Variants in CSMD1 observed in about 807,000 individuals in gnomAD.
The protein encoded by CSMD1 is CUB and sushi domain-containing protein 1.
Under a neutral mutation model 417.5 loss-of-function variants are expected in CSMD1, and 213 were observed. The ratio of observed to expected loss-of-function variants is 0.51; its 90% confidence interval spans 0.46 to 0.57. CSMD1 has a LOEUF of 0.57. Ranked by LOEUF, CSMD1 falls within the 20% of genes least tolerant of loss-of-function variation. The pLI is 0.00. For missense variants in CSMD1, 6,923 were observed against 4,529.7 expected (o/e 1.53, Z -15.17); for synonymous variants, 2,862 against 1,736.8 (o/e 1.65, Z -16.11).
intron 49 of CSMD1, among the ~76,000 whole-genome samples, chr8:3,077,548 C>G (rs1304983959): frequency 6.6e-6 from 1 of 152,250 alleles, no homozygotes; most frequent in East Asian, 1.9e-4. Flanking sequence ...CAGCCACCTC[C>G]AGAACGTAGT....
At chr8:3,973,855 G>A (rs116445299) in intron 5 of CSMD1, among the ~76,000 whole-genome samples, 1,750 of 152,228 alleles carry the variant, frequency 0.011, 35 homozygotes, top group African/African-American at 0.04. Context: ...TTAATTTTAA[G>A]TGTTTATGGG....
At chr8:3,325,326 G>T (rs939223291) in intron 23 of CSMD1, among the ~76,000 whole-genome samples, 10 of 152,104 alleles carry the variant, frequency 6.6e-5, no homozygotes, top group Non-Finnish European at 1.2e-4. Flanking sequence ...TTCTGTCATC[G>T]CTCCTATCAT....
intron 6 of CSMD1, among the ~76,000 whole-genome samples, chr8:3,711,160 C>T (rs991995270): frequency 7.9e-5 from 12 of 152,134 alleles, no homozygotes; most frequent in Non-Finnish European, 1.6e-4. Flanking sequence ...GAGGGAGAAA[C>T]GAGAGACTGG....
rs377401344 is a variant in CSMD1 at position 2,993,982 on chromosome 8, A to G, written c.8377+4029T>C. On this transcript the variant is annotated intron_variant, in intron 54 of 69. Transcript: ENST00000635120. ...CACATGGTGAAACCCCATCCCTACT[A>G]AAAAAAAAAAAAAGAAAAAAAATTA... Among the ~76,000 whole-genome samples the G allele has an allele frequency of 5.3e-4, 54 of 102,192 alleles. 3 individuals carry two copies. The highest frequency in any genetic ancestry group is 3.6e-3 in the East Asian group (17 of 4,698). 67.0% of individuals were successfully genotyped at this position (102,192 alleles called of 152,430 possible).
chr8:3,482,654 T>G (rs879852860), intron 11 of CSMD1, among the ~76,000 whole-genome samples: 2 of 152,134 alleles, frequency 1.3e-5, no homozygotes, highest in Non-Finnish European at 2.9e-5. Flanking sequence ...CTGACGAATA[T>G]GGAACTCTCA....
chr8:3,630,008 G>C (rs987660986), intron 7 of CSMD1, among the ~76,000 whole-genome samples: 9 of 152,124 alleles, frequency 5.9e-5, no homozygotes, highest in Non-Finnish European at 8.8e-5. Context: ...ACAGGCCCCA[G>C]AGTTTTATTT....
chr8:4,032,143 TCC>T (rs1404853262), intron 3 of CSMD1, 44 bp from the exon 4 acceptor site: 1 of 1,472,000 alleles, frequency 6.8e-7, no homozygotes, highest in East Asian at 2.3e-5. Flanking sequence ...AGTTAAATTT[TCC>T]ATGGAGAGCC....
intron 3 of CSMD1, among the ~76,000 whole-genome samples, chr8:4,063,253 A>G (rs1047715866): frequency 2.6e-5 from 4 of 151,314 alleles, no homozygotes; most frequent in Non-Finnish European, 5.9e-5. Context: ...TATCCCATAA[A>G]TATGTACAGT....
intron 3 of CSMD1, among the ~76,000 whole-genome samples, chr8:4,082,339 G>A (rs948909943): frequency 6.6e-6 from 1 of 152,098 alleles, no homozygotes; most frequent in Non-Finnish European, 1.5e-5. Flanking sequence ...CTTTTTTAAA[G>A]TTAAAATGAC....
At chr8:3,533,926 C>A (rs1445252431) in intron 10 of CSMD1, among the ~76,000 whole-genome samples, 4 of 152,112 alleles carry the variant, frequency 2.6e-5, no homozygotes, top group Admixed American at 1.3e-4. Context: ...CTTTGGTCCA[C>A]CAATCACATG....
At chr8:3,920,456 T>C (rs543248261) in intron 5 of CSMD1, among the ~76,000 whole-genome samples, 2 of 152,066 alleles carry the variant, frequency 1.3e-5, no homozygotes, top group Non-Finnish European at 2.9e-5. Context: ...ACTTTCCAAT[T>C]TGAGTGCCTT....
chr8:3,028,928 A>C (rs1012640556), intron 51 of CSMD1, among the ~76,000 whole-genome samples: 1 of 152,214 alleles, frequency 6.6e-6, no homozygotes, highest in Non-Finnish European at 1.5e-5. Context: ...TTGTGAAAAC[A>C]GTCTTTATTT....
chr8:4,673,912 G>A (rs1025813117), intron 1 of CSMD1, among the ~76,000 whole-genome samples: 1 of 152,082 alleles, frequency 6.6e-6, no homozygotes, highest in Non-Finnish European at 1.5e-5. Flanking sequence ...ACAGGGTTTG[G>A]GAGGATAGAT....
At chr8:4,880,198 G>C (rs1362191337) in intron 1 of CSMD1, among the ~76,000 whole-genome samples, 3 of 152,020 alleles carry the variant, frequency 2.0e-5, no homozygotes, top group Non-Finnish European at 4.4e-5. Context: ...AGAGAGTTAA[G>C]GGAAGAACAC....
At chr8:3,567,727 C>A (rs1278358590) in intron 10 of CSMD1, among the ~76,000 whole-genome samples, 1 of 152,142 alleles carries the variant, frequency 6.6e-6, no homozygotes, top group Admixed American at 6.6e-5. Flanking sequence ...TCTGGAACGT[C>A]CAACCTTCCT....
In CSMD1 at chr8:4,253,397, C is replaced by T. The variant is rs937882540; in HGVS notation, c.415+166556G>A. 2.0e-5 allele frequency among the ~76,000 whole-genome samples: 3 copies of T among 151,028 alleles called. 1 individual carries two copies. In the South Asian group the frequency reaches 6.4e-4, roughly 32 times the overall value. On this transcript the variant is annotated intron_variant, in intron 3 of 69. Coordinates refer to ENST00000635120, the MANE Select transcript of CSMD1 (RefSeq NM_033225.6). ...GCATTTTTTTCATTGAGTCCATAATCTCAAATTTATATATTTTTTTCCCAC... is the reference window on the plus strand; with the variant it reads ...GCATTTTTTTCATTGAGTCCATAATTTCAAATTTATATATTTTTTTCCCAC...
intron 68 of CSMD1, among the ~76,000 whole-genome samples, chr8:2,946,769 G>T (rs555498855): frequency 4.1e-4 from 63 of 152,280 alleles, no homozygotes; most frequent in African/African-American, 1.5e-3. Flanking sequence ...TGGAATTGCT[G>T]GAGCTTAAGT....
chr8:4,224,000 A>T (rs1801197720), intron 3 of CSMD1, among the ~76,000 whole-genome samples: 1 of 152,104 alleles, frequency 6.6e-6, no homozygotes, highest in Admixed American at 6.5e-5. Flanking sequence ...AATTCTTTAA[A>T]CCCAAACTCG....
At chr8:4,354,909 T>TGTGTGTGTGTGTG in intron 3 of CSMD1, among the ~76,000 whole-genome samples, 11 of 146,924 alleles carry the variant, frequency 7.5e-5, no homozygotes, top group South Asian at 2.2e-4. Flanking sequence ...TGTGTGTGTG[T>TGTGTGTGTGTGTG]TAAATATTTG....
Sources: gnomAD v4.1 joint callset for allele counts (sites outside exome capture counted in the v4.1 genomes callset) on GRCh38, gnomAD v4.1.1 for gene constraint, MANE v1.5 for transcripts, NCBI Gene and HGNC (gene_info 2026-07-23, HGNC 2026-07-21) for gene names.